Variants in IGSF10 observed in about 807,000 individuals in gnomAD.
IGSF10 encodes the protein calvaria mechanical force protein 608.
A neutral mutation model predicts 128.2 loss-of-function variants in IGSF10; 126 were observed. The observed-to-expected ratio is 0.98, with a 90% CI of 0.85 to 1.14. The LOEUF (loss-of-function observed/expected upper bound fraction) is 1.14, where lower values mean the gene tolerates loss of function less well. IGSF10 is among the 50% of genes most tolerant of loss of function. IGSF10 has a pLI of 0.00. For synonymous variants in IGSF10, 1,185 were observed against 1,146.2 expected (o/e 1.03, Z -0.68); for missense variants, 3,295 against 3,149.8 (o/e 1.05, Z -1.10).
At chr3:151,586,541 G>A in the IGSF10 span, among the ~76,000 whole-genome samples, 1 of 152,152 alleles carries the variant, frequency 6.6e-6, no homozygotes, top group East Asian at 1.9e-4. Context: ...AATTAGATCA[G>A]AAATAGTACT....
chr3:151,544,823 C>T, the IGSF10 span, among the ~76,000 whole-genome samples: 2,640 of 151,372 alleles, frequency 0.017, 84 homozygotes, highest in African/African-American at 0.061. Flanking sequence ...TGGAAATTGT[C>T]TTATTTTACT....
the IGSF10 span, among the ~76,000 whole-genome samples, chr3:151,609,450 CT>C: frequency 6.6e-6 from 1 of 152,030 alleles, no homozygotes; most frequent in Admixed American, 6.6e-5. Context: ...GTGATCTGAC[CT>C]TTTTCTCTAG....
chr3:151,487,194 T>C, the IGSF10 span, among the ~76,000 whole-genome samples: 1 of 152,096 alleles, frequency 6.6e-6, no homozygotes, highest in Non-Finnish European at 1.5e-5. Context: ...AACACAATAC[T>C]ATAAACACCT....
the IGSF10 span, among the ~76,000 whole-genome samples, chr3:151,468,529 T>C: frequency 6.6e-6 from 1 of 152,216 alleles, no homozygotes; most frequent in East Asian, 1.9e-4. Context: ...CTCCTGATAA[T>C]GGCATTGACG....
downstream of IGSF10, chr3:151,435,703 A>C (rs181767279): frequency 1.6e-4 from 24 of 151,014 alleles, no homozygotes; most frequent in Admixed American, 1.3e-3. Flanking sequence ...TTTAGATAAG[A>C]TCAATCATTT....
At chr3:151,526,302 T>A in the IGSF10 span, among the ~76,000 whole-genome samples, 3 of 152,076 alleles carry the variant, frequency 2.0e-5, no homozygotes, top group African/African-American at 7.2e-5. Flanking sequence ...AGGCCAGACC[T>A]TTCTTCTTGT....
chr3:151,590,481 C>T, the IGSF10 span, among the ~76,000 whole-genome samples: 1 of 152,140 alleles, frequency 6.6e-6, no homozygotes, highest in Non-Finnish European at 1.5e-5. Context: ...TTGGAATGGT[C>T]CCTGATGAAA....
chr3:151,545,588 C>T, the IGSF10 span, among the ~76,000 whole-genome samples: 3 of 152,184 alleles, frequency 2.0e-5, no homozygotes, highest in Non-Finnish European at 2.9e-5. Flanking sequence ...GGAAAATTGG[C>T]TCAATTCAAG....
chr3:151,618,172 C>T, the IGSF10 span, among the ~76,000 whole-genome samples: 3 of 152,118 alleles, frequency 2.0e-5, no homozygotes, highest in Non-Finnish European at 4.4e-5. Context: ...ATCTCTCTCT[C>T]TCACTGTGGG....
At chr3:151,490,639 C>T in the IGSF10 span, among the ~76,000 whole-genome samples, 53 of 152,102 alleles carry the variant, frequency 3.5e-4, no homozygotes, top group Admixed American at 3.4e-3. Context: ...CAAAACAAGT[C>T]TTACCAAATT....
rs779354982 is a variant in IGSF10, at chr3:151,448,981, T to A, written c.1000A>T (p.Ile334Phe). 1.2e-6 allele frequency: 2 copies of A among 1,614,134 alleles called. No individual in the cohort carries two copies. Among genetic ancestry groups the A allele is most frequent in the African/African-American group, 2.7e-5 (2 of 74,950 alleles). Residue 334 changes from isoleucine (I) to phenylalanine (F), a missense_variant, in exon 6 of 8, where the codon ATT (isoleucine) becomes TTT (phenylalanine). Coordinates refer to ENST00000282466, the MANE Select transcript of IGSF10 (RefSeq NM_178822.5). Reference protein sequence around the residue: ...SGNEANMVCSIQKPSRTSPIA... With the variant: ...SGNEANMVCSFQKPSRTSPIA... The stretch of plus-strand genomic sequence containing the variant: ...GGTGATGTCCTTGAGGGCTTTTGAA[T>A]ACTGCAGACCATGTTAGCTTCATTT...
At chr3:151,558,031 G>A in the IGSF10 span, among the ~76,000 whole-genome samples, 58 of 2,996 alleles carry the variant, frequency 0.019, no homozygotes, top group South Asian at 0.14. Flanking sequence ...ATATATATTG[G>A]TACAATATGT....
intron 4 of IGSF10, among the ~76,000 whole-genome samples, chr3:151,455,432 T>C (rs1357671934): frequency 6.6e-6 from 1 of 150,976 alleles, no homozygotes; most frequent in Admixed American, 6.6e-5. Context: ...TAATAAACTT[T>C]ATTTTGCACC....
chr3:151,508,785 G>T, the IGSF10 span, among the ~76,000 whole-genome samples: 1 of 151,990 alleles, frequency 6.6e-6, no homozygotes, highest in Non-Finnish European at 1.5e-5. Flanking sequence ...AAGTTACATG[G>T]GAAGCACTGT....
the IGSF10 span, among the ~76,000 whole-genome samples, chr3:151,570,112 A>G: frequency 1.1e-4 from 16 of 152,148 alleles, no homozygotes; most frequent in Non-Finnish European, 2.1e-4. Flanking sequence ...TATGTGCCAC[A>G]TTTTCTTAAT....
chr3:151,543,354 C>T, the IGSF10 span, among the ~76,000 whole-genome samples: 1 of 152,326 alleles, frequency 6.6e-6, no homozygotes, highest in African/African-American at 2.4e-5. Flanking sequence ...CTCTCTTACA[C>T]TGTCCACCTT....
At chr3:151,463,539 T>TTTG (rs1560185508), upstream of IGSF10, among the ~76,000 whole-genome samples, 1 of 107,484 alleles carries the variant, frequency 9.3e-6, no homozygotes, top group Non-Finnish European at 1.8e-5. Flanking sequence ...TTTTTTTTTT[T>TTTG]TTTTTTTTTT....
chr3:151,596,864 C>T, the IGSF10 span, among the ~76,000 whole-genome samples: 8 of 152,148 alleles, frequency 5.3e-5, no homozygotes, highest in Admixed American at 3.3e-4. Flanking sequence ...AGTTTGAAAT[C>T]GCAAGCAAGG....
chr3:151,475,760 ACTTC>A, the IGSF10 span: 1 of 152,196 alleles, frequency 6.6e-6, no homozygotes, highest in African/African-American at 2.4e-5. Context: ...GCTCAATTAA[ACTTC>A]GTTAAATTTA....
Sources: gnomAD v4.1 joint callset for allele counts (sites outside exome capture counted in the v4.1 genomes callset) on GRCh38, gnomAD v4.1.1 for gene constraint, MANE v1.5 for transcripts, NCBI Gene and HGNC (gene_info 2026-07-23, HGNC 2026-07-21) for gene names.